The following MICAL1 variants were observed in gnomAD, a reference collection of about 807,000 sequenced individuals.
MICAL1 encodes the protein microtubule associated monooxygenase, calponin and LIM domain containing 1.
A neutral mutation model predicts 131.8 loss-of-function variants in MICAL1; 95 were observed. That is an observed-to-expected ratio of 0.72 (90% confidence interval 0.61 to 0.86). MICAL1 has a LOEUF of 0.86. Ranked by LOEUF, MICAL1 falls within the 40% of genes least tolerant of loss-of-function variation. The probability of loss-of-function intolerance (pLI) is 0.00; values close to 1 mark genes in which losing one functional copy is unlikely to be tolerated. For missense variants in MICAL1, 1,292 were observed against 1,380.6 expected (o/e 0.94, Z 1.02); for synonymous variants, 546 against 554.2 (o/e 0.99, Z 0.21).
At chr6:109,453,160 A>G in intron 4 of MICAL1, 103 bp downstream of exon 4, 1 of 931,042 alleles carries the variant, frequency 1.1e-6, no homozygotes, top group Non-Finnish European at 1.7e-6. Context: ...ACTCTGTCTC[A>G]AAACAAAAAC....
At chr6:109,447,622 T>C (rs1775292785) in intron 15 of MICAL1, 59 bp downstream of exon 15, 1 of 1,609,576 alleles carries the variant, frequency 6.2e-7, no homozygotes, top group Non-Finnish European at 8.5e-7. Context: ...GGGAAGACAG[T>C]ACCAGGAAAG....
intron 1 of MICAL1, chr6:109,464,532 G>A (rs1379957551): frequency 1.3e-5 from 2 of 152,134 alleles, no homozygotes; most frequent in Non-Finnish European, 2.9e-5. Context: ...AATTCAATAA[G>A]CTTAGCTTGA....
upstream of MICAL1, among the ~76,000 whole-genome samples, chr6:109,459,263 T>C (rs1328669740): frequency 6.6e-6 from 1 of 152,178 alleles, no homozygotes; most frequent in African/African-American, 2.4e-5. Context: ...CTCTGTTTGA[T>C]GCTAAGCTAA....
rs142250988 is a variant in MICAL1 at position 109,453,270 on chromosome 6, A to G, written c.564T>C (p.Pro188=). Reference sequence around the variant, plus strand: ...GAGCATAGAAATACTTACCCTTCCTAGGAGGGGGCTGGAGGCCAGTGAAAG... The same window carrying G: ...GAGCATAGAAATACTTACCCTTCCTGGGAGGGGGCTGGAGGCCAGTGAAAG... ...GVTFTGLQPP[P]RKGSGWRAQL... Residue 188 remains proline (P), a synonymous_variant, in exon 4 of 25, where the codon CCT becomes CCC. Coordinates refer to ENST00000358807, the MANE Select transcript of MICAL1 (RefSeq NM_022765.4). The G allele has an allele frequency of 6.1e-5, 98 of 1,613,226 alleles. No individual in the cohort carries two copies. The Middle Eastern group carries it at 1.3e-3, about 22-fold the overall frequency.
chr6:109,450,168 C>G (rs2115333584), intron 8 of MICAL1, 83 bp from the exon 9 acceptor site: 1 of 1,563,544 alleles, frequency 6.4e-7, no homozygotes, highest in African/African-American at 1.4e-5. Flanking sequence ...CAGGTCACAG[C>G]AGAAGGGGCC....
upstream of MICAL1, among the ~76,000 whole-genome samples, chr6:109,458,578 G>A (rs1321769926): frequency 2.6e-5 from 4 of 152,052 alleles, no homozygotes; most frequent in South Asian, 6.2e-4. Flanking sequence ...CCTGGGCAAC[G>A]AGGGTGAAAC....
At chr6:109,451,833 C>G in intron 6 of MICAL1, 133 bp from the exon 7 acceptor site, 1 of 1,455,730 alleles carries the variant, frequency 6.9e-7, no homozygotes, top group Non-Finnish European at 9.1e-7. Flanking sequence ...CGCATAGAAC[C>G]CCACGAGTCC....
chr6:109,446,471 G>A (rs1258033564), intron 18 of MICAL1, 59 bp from the exon 19 acceptor site: 2 of 1,591,922 alleles, frequency 1.3e-6, no homozygotes, highest in Non-Finnish European at 1.7e-6. Context: ...TCGGAGCAAA[G>A]GTGAGCCTTG....
intron 6 of MICAL1, chr6:109,451,917 G>T (rs1381853075): frequency 2.9e-6 from 4 of 1,388,364 alleles, no homozygotes; most frequent in Non-Finnish European, 3.7e-6. Flanking sequence ...AGCTTGGAGG[G>T]GGGTGGCATT....
chr6:109,449,487 G>C lies in MICAL1; in HGVS notation c.1435-6C>G. 6.2e-7 allele frequency: 1 copy of C among 1,614,168 alleles called. No individual in the cohort carries two copies. Among genetic ancestry groups the C allele is most frequent in the Non-Finnish European group, 8.5e-7 (1 of 1,180,026 alleles). On this transcript the variant is annotated splice_polypyrimidine_tract_variant and splice_region_variant and intron_variant, in intron 10 of 24. Coordinates refer to ENST00000358807, the MANE Select transcript of MICAL1 (RefSeq NM_022765.4). Reference sequence around the variant, plus strand: ...ACATCATACAGGTCTCGTACCTAAGGCAGCCCCGCTCAGGTCTCAAGGCAG... The same window carrying C: ...ACATCATACAGGTCTCGTACCTAAGCCAGCCCCGCTCAGGTCTCAAGGCAG...
intron 15 of MICAL1, 115 bp from the exon 16 acceptor site, chr6:109,447,555 G>C (rs2115328148): frequency 1.3e-6 from 2 of 1,524,146 alleles, no homozygotes; most frequent in Non-Finnish European, 1.8e-6. Flanking sequence ...AGGCAGGGAG[G>C]CTGGATGGGG....
chr6:109,460,523 T>C (rs200043544), upstream of MICAL1, among the ~76,000 whole-genome samples: 5 of 147,678 alleles, frequency 3.4e-5, no homozygotes, highest in African/African-American at 5.0e-5. Context: ...TATATATAAA[T>C]ACACACACAC....
intron 7 of MICAL1, among the ~76,000 whole-genome samples, chr6:109,451,152 C>CTTT (rs34927673): frequency 8.9e-5 from 12 of 134,496 alleles, no homozygotes; most frequent in Non-Finnish European, 1.6e-4. Flanking sequence ...CAGGGGAGAA[C>CTTT]TTTTTTTTTT....
At chr6:109,462,586 T>C (rs760629279) in intron 1 of MICAL1, 1 of 152,244 alleles carries the variant, frequency 6.6e-6, no homozygotes, top group Non-Finnish European at 1.5e-5. Context: ...GCATTTATAA[T>C]GAGAATCTTT....
chr6:109,453,701 G>C lies in MICAL1; in HGVS notation c.403C>G (p.Leu135Val), dbSNP rs1401048967. Residue 135 changes from leucine (L) to valine (V), a missense_variant, in exon 3 of 25, where the codon CTG becomes GTG. Transcript: ENST00000358807. Reference protein sequence around the residue: ...LHLWPFTIHDLRALGAKKFYG... With the variant: ...LHLWPFTIHDVRALGAKKFYG... ...AACTTCTTAGCACCGAGTGCCCGCA[G>C]GTCGTGGATGGTGAAGGGCCAGAGG... 1.2e-6 allele frequency: 2 copies of C among 1,613,942 alleles called. No individual in the cohort carries two copies. Among genetic ancestry groups the C allele is most frequent in the Non-Finnish European group, 1.7e-6 (2 of 1,180,006 alleles).
At position 109,448,766 on chromosome 6, in the gene MICAL1, A is replaced by G. The variant is rs1367256446; in HGVS notation, c.1630T>C (p.Cys544Arg). ...GGCTGCAGCCGGTACACCAGGGCAC[A>G]CAGAGCTAGCCCATCAGCCCAGGAG... is the stretch of plus-strand genomic sequence containing the variant. ...SSSWADGLAL[C>R]ALVYRLQPGL... The change falls in exon 12 of 25, where the codon TGT becomes CGT. Residue 544 changes from cysteine to arginine, a missense_variant. Transcript: ENST00000358807. 9 of 1,613,988 alleles carry G rather than the reference A, an allele frequency of 5.6e-6. No homozygotes were observed. The Admixed American group carries it at 1.3e-4, about 24-fold the overall frequency.
chr6:109,465,161 A>G (rs1776002767), intron 1 of MICAL1: 1 of 152,510 alleles, frequency 6.6e-6, no homozygotes, highest in Admixed American at 6.5e-5. Flanking sequence ...CTCAGAAAAG[A>G]CGAATTCAGA....
Position 109,445,497 on chromosome 6 carries a change from G to C in MICAL1, c.2706C>G (p.Thr902=). 1 of 1,614,120 alleles carries C rather than the reference G, an allele frequency of 6.2e-7. No individual in the cohort carries two copies. Among genetic ancestry groups the C allele is most frequent in the Non-Finnish European group, 8.5e-7 (1 of 1,180,040 alleles). The change falls in exon 21 of 25, where the codon ACC becomes ACG. Residue 902 remains threonine (T), a synonymous_variant. Coordinates refer to ENST00000358807, the MANE Select transcript of MICAL1 (RefSeq NM_022765.4). The part of the protein sequence containing the change: ...ALQTFAKTSG[T]MNNYPTWRRT... ...GACGCCATGTTGGGTAGTTATTCAT[G>C]GTGCCTGAGGTCTTGGCAAAGGTCT...
chr6:109,464,645 A>G (rs1775989311), intron 1 of MICAL1: 1 of 152,206 alleles, frequency 6.6e-6, no homozygotes, highest in Non-Finnish European at 1.5e-5. Context: ...AAGTTTTAAG[A>G]TTAGATGAAG....
Sources: gnomAD v4.1 joint callset for allele counts (sites outside exome capture counted in the v4.1 genomes callset) on GRCh38, gnomAD v4.1.1 for gene constraint, MANE v1.5 for transcripts, NCBI Gene and HGNC (gene_info 2026-07-23, HGNC 2026-07-21) for gene names.